Variants in RAPGEF3 observed in about 807,000 individuals in gnomAD.
RAPGEF3 encodes the protein Rap guanine nucleotide exchange factor 3.
Under a neutral mutation model 129.8 loss-of-function variants are expected in RAPGEF3, and 103 were observed. That is an observed-to-expected ratio of 0.79 (90% CI 0.68 to 0.93). The LOEUF (loss-of-function observed/expected upper bound fraction) is 0.93, where lower values mean the gene tolerates loss of function less well. Among genes scored for constraint, RAPGEF3 ranks in the 40% least tolerant of loss-of-function variants. The probability of loss-of-function intolerance (pLI) is 0.00; values close to 1 mark genes in which losing one functional copy is unlikely to be tolerated. For missense variants in RAPGEF3, 1,117 were observed against 1,207.4 expected, an observed-to-expected ratio of 0.93 and a Z score of 1.11; for synonymous variants, 436 against 482.6, an observed-to-expected ratio of 0.90 and a Z score of 1.26.
At position 47,746,697 on chromosome 12, in the gene RAPGEF3, C is replaced by T. The variant is rs775514623; in HGVS notation, c.1596+163G>A. ...CCTCCTGGCACGGCCTGGCCCAGGG[C>T]ACCACATGCAGCAAGGGCCCCGTGA... is the stretch of plus-strand genomic sequence containing the variant. On this transcript the variant is annotated intron_variant, in intron 16 of 27. Transcript: ENST00000449771. 4.1e-5 allele frequency: 36 copies of T among 874,580 alleles called. 1 individual carries two copies. In the South Asian group the frequency reaches 4.8e-4, roughly 12 times the overall value. 54.2% of individuals were successfully genotyped at this position (874,580 alleles called of 1,614,324 possible). A position where few individuals can be genotyped will look rare whatever the true frequency, so the allele number is the denominator to read the frequency against.
chr12:47,741,312 C>T, intron 19 of RAPGEF3, 193 bp downstream of exon 19: 2 of 669,314 alleles, frequency 3.0e-6, no homozygotes. Context: ...ACCAGTGCTA[C>T]CAGCCCCTGC....
At chr12:47,743,308 G>T (rs111445977) in intron 18 of RAPGEF3, among the ~76,000 whole-genome samples, 1 of 152,228 alleles carries the variant, frequency 6.6e-6, no homozygotes, top group Non-Finnish European at 1.5e-5. Context: ...GAGCTAAAGG[G>T]CTGGTGCCGA....
At chr12:47,747,668 C>T in intron 14 of RAPGEF3, 42 bp from the exon 15 acceptor site, 1 of 1,612,336 alleles carries the variant, frequency 6.2e-7, no homozygotes, top group Non-Finnish European at 8.5e-7. Context: ...GTAGCTGCAT[C>T]CACCCCGGGC....
At position 47,748,110 on chromosome 12, in the gene RAPGEF3, A is replaced by T. The variant is rs975240111; in HGVS notation, c.1286T>A (p.Met429Lys). ...SDFLLTHRVFMPSAQLCAALL... is the reference protein window; with the variant it reads ...SDFLLTHRVFKPSAQLCAALL... ...GGCAGCGCAGAGTTGGGCGCTGGGCATGAAGACCCTGTGGGTCAGGAGGAA... is the reference window on the plus strand; with the variant it reads ...GGCAGCGCAGAGTTGGGCGCTGGGCTTGAAGACCCTGTGGGTCAGGAGGAA... Residue 429 changes from methionine (M) to lysine (K), a missense_variant, in exon 13 of 28, where the codon ATG becomes AAG. Met to Lys is a moderately conservative substitution (Grantham distance 95, BLOSUM62 -1). Transcript: ENST00000449771. 3.5e-5 allele frequency: 55 copies of T among 1,589,892 alleles called. No individual in the cohort carries two copies. Among genetic ancestry groups the T allele is most frequent in the Non-Finnish European group, 1.7e-6 (2 of 1,167,942 alleles).
chr12:47,743,603 C>T lies in RAPGEF3; in HGVS notation c.1752G>A (p.Glu584=). Reference sequence around the variant, plus strand: ...CCTCCTGGGCCAACGCTGCCATCACCTCTCTCACGGAGGCTGTCACAGGCA... The same window carrying T: ...CCTCCTGGGCCAACGCTGCCATCACTTCTCTCACGGAGGCTGTCACAGGCA... ...LQLPVTASVR[E]VMAALAQEDG... is the part of the protein sequence containing the mutation. The change falls in exon 18 of 28, where the codon GAG becomes GAA. Residue 584 remains glutamate, a synonymous_variant. Transcript: ENST00000449771. 6.2e-7 allele frequency: 1 copy of T among 1,614,174 alleles called. No homozygotes were observed. Among genetic ancestry groups the T allele is most frequent in the Non-Finnish European group, 8.5e-7 (1 of 1,179,998 alleles).
At position 47,740,147 on chromosome 12, in the gene RAPGEF3, CCTCT is replaced by C; in HGVS notation, c.2363_2366del (p.Glu788GlyfsTer34). On this transcript the variant is annotated frameshift_variant, in exon 23 of 28. Coordinates refer to ENST00000449771, the MANE Select transcript of RAPGEF3 (RefSeq NM_001098531.4). LOFTEE classifies it high-confidence loss of function. ...GGCAGGGTGGAGCACTCACCAGCAG[CCTCT>C]CGAGGGCGGAGTACAGCTTCCGGAC... 6.2e-7 allele frequency: 1 copy of C among 1,612,968 alleles called. No homozygotes were observed. The highest frequency in any genetic ancestry group is 8.5e-7 in the Non-Finnish European group (1 of 1,179,688).
rs908699267 is a variant in RAPGEF3 at position 47,749,116 on chromosome 12, C to T, written c.1042-185G>A. 2.3e-5 allele frequency: 15 copies of T among 649,286 alleles called. No individual in the cohort carries two copies. The highest frequency in any genetic ancestry group is 3.5e-5 in the Non-Finnish European group (13 of 374,306). The allele number at this position is 649,286 out of a possible 1,614,324, so 40.2% of individuals were successfully genotyped here. ...CTACCTTCCATGCATCCTGCCTCCC[C>T]CACAGCCTAGTCCCCCGCCCCCTGC... On this transcript the variant is annotated intron_variant, in intron 10 of 27. Coordinates refer to ENST00000449771, the MANE Select transcript of RAPGEF3 (RefSeq NM_001098531.4). The surrounding 1 kb of genome is among the most constrained non-coding windows in gnomAD (Gnocchi z 4.5).
chr12:47,745,632 T>C (rs904786917), intron 16 of RAPGEF3: 1 of 151,944 alleles, frequency 6.6e-6, no homozygotes, highest in African/African-American at 2.4e-5. Flanking sequence ...TGCACTGGAG[T>C]TGGCTCTTCC....
chr12:47,735,279 A>T lies in RAPGEF3; in HGVS notation c.*2288T>A, dbSNP rs1014217867. ...GGCCTTCTTGCAGCTGAGACACAAA[A>T]TGGGAGCCCCTGCACACAGCCTGGG... On this transcript the variant is annotated 3_prime_UTR_variant, in exon 28 of 28. Transcript: ENST00000449771. 3 of 152,242 alleles carry T rather than the reference A, an allele frequency of 2.0e-5. No homozygotes were observed. Among genetic ancestry groups the T allele is most frequent in the Admixed American group, 6.5e-5 (1 of 15,274 alleles). The allele number at this position is 152,242 out of a possible 1,614,324, so 9.4% of individuals were successfully genotyped here. A position where few individuals can be genotyped will look rare whatever the true frequency, so the allele number is the denominator to read the frequency against.
Position 47,736,473 on chromosome 12 carries a change from C to T in RAPGEF3, c.*1094G>A, listed in dbSNP as rs1429910065. On this transcript the variant is annotated 3_prime_UTR_variant, in exon 28 of 28. Transcript: ENST00000449771. ...GGAGCTTCCTGGGTGAGCTCTGCCT[C>T]GCAAGAGGCGTCCTGGCAGTAGCTG... is the stretch of plus-strand genomic sequence containing the variant. 1.3e-5 allele frequency: 2 copies of T among 152,326 alleles called. No homozygotes were observed. Among genetic ancestry groups the T allele is most frequent in the Non-Finnish European group, 2.9e-5 (2 of 68,120 alleles). 9.4% of individuals were successfully genotyped at this position (152,326 alleles called of 1,614,324 possible).
rs758980561 is a variant in RAPGEF3 at position 47,740,358 on chromosome 12, C to T, written c.2269G>A (p.Val757Ile). 51 of 1,613,934 alleles carry T rather than the reference C, an allele frequency of 3.2e-5. 1 individual carries two copies. Among genetic ancestry groups the T allele is most frequent in the South Asian group, 8.8e-5 (8 of 91,090 alleles). Reference protein sequence around the residue: ...EQKNLNSFFAVMFGLSNSAIS... With the variant: ...EQKNLNSFFAIMFGLSNSAIS... Reference sequence around the variant, plus strand: ...GCCGAGTTGCTGAGGCCAAACATGACGGCAAAGAAGGAATTGAGATTCTTC... The same window carrying T: ...GCCGAGTTGCTGAGGCCAAACATGATGGCAAAGAAGGAATTGAGATTCTTC... The change falls in exon 22 of 28, where the codon GTC becomes ATC. Residue 757 changes from valine to isoleucine, a missense_variant. Transcript: ENST00000449771.
chr12:47,741,875 C>T (rs774294252), intron 18 of RAPGEF3: 8 of 497,748 alleles, frequency 1.6e-5, no homozygotes, highest in Non-Finnish European at 2.9e-5. Context: ...ACTTTCTTCC[C>T]TGGTAAAATG....
At chr12:47,758,316 C>T in intron 1 of RAPGEF3, 1 of 1,434,826 alleles carries the variant, frequency 7.0e-7, no homozygotes, top group Non-Finnish European at 9.1e-7. Context: ...CTTCTTAGTC[C>T]TCTTTGGAAT....
chr12:47,750,834 A>G (rs911550632), intron 6 of RAPGEF3, among the ~76,000 whole-genome samples: 6 of 151,258 alleles, frequency 4.0e-5, no homozygotes, highest in Admixed American at 3.3e-4. Context: ...CCTCATCTAC[A>G]GAGGAAGAAA....
chr12:47,744,073 G>A lies in RAPGEF3; in HGVS notation c.1597-5C>T, dbSNP rs1324115542. The A allele has an allele frequency of 4.4e-6, 7 of 1,586,498 alleles. No individual in the cohort carries two copies. Among genetic ancestry groups the A allele is most frequent in the Non-Finnish European group, 6.1e-6 (7 of 1,155,500 alleles). The stretch of plus-strand genomic sequence containing the variant: ...CCAAACAGGCAAGTTCCGGGCCTGG[G>A]AGGAAGAGGAACGAGAAAATAAGGC... On this transcript the variant is annotated splice_region_variant and splice_polypyrimidine_tract_variant and intron_variant, in intron 16 of 27. Coordinates refer to ENST00000449771, the MANE Select transcript of RAPGEF3 (RefSeq NM_001098531.4).
Position 47,747,551 on chromosome 12 carries a change from A to G in RAPGEF3, c.1549T>C (p.Cys517Arg). The G allele has an allele frequency of 6.2e-7, 1 of 1,613,832 alleles. No homozygotes were observed. Among genetic ancestry groups the G allele is most frequent in the Non-Finnish European group, 8.5e-7 (1 of 1,179,766 alleles). The change falls in exon 15 of 28, where the codon TGC becomes CGC. Residue 517 changes from cysteine to arginine, a missense_variant. Transcript: ENST00000449771. ...ACAGAGTCAAAGCATCACCTGTGGC[A>G]TCGCCGCCTCTCTGGCCACTGCTCC... is the stretch of plus-strand genomic sequence containing the variant. ...LREQWPERRR[C>R]HRLENGCGNA... is the part of the protein sequence containing the mutation.
chr12:47,739,250 T>C lies in RAPGEF3; in HGVS notation c.2374-20A>G. On this transcript the variant is annotated intron_variant, in intron 23 of 27. Coordinates refer to ENST00000449771, the MANE Select transcript of RAPGEF3 (RefSeq NM_001098531.4). The stretch of plus-strand genomic sequence containing the variant: ...GGGATCCTAGGGGAAGAAGCCACAC[T>C]GAGGGGGTTGCACACACCATAAGCC... 6.3e-7 allele frequency: 1 copy of C among 1,575,776 alleles called. No individual in the cohort carries two copies.
In RAPGEF3 at chr12:47,740,719, C is replaced by T; in HGVS notation, c.2154G>A (p.Val718=). ...CGGGGCAGAGACACAGCTCGGTGGC[C>T]ACCCAGTACTGCAGCTCATTGAAGC... is the stretch of plus-strand genomic sequence containing the variant. ...MRRFNELQYW[V]ATELCLCPVP... Residue 718 remains valine, a synonymous_variant, in exon 21 of 28, where the codon GTG becomes GTA. Coordinates refer to ENST00000449771, the MANE Select transcript of RAPGEF3 (RefSeq NM_001098531.4). The T allele has an allele frequency of 8.7e-6, 14 of 1,613,984 alleles. No individual in the cohort carries two copies. Among genetic ancestry groups the T allele is most frequent in the Non-Finnish European group, 1.2e-5 (14 of 1,179,970 alleles).
intron 5 of RAPGEF3, 32 bp downstream of exon 5, chr12:47,751,367 C>T: frequency 1.2e-6 from 2 of 1,611,158 alleles, no homozygotes; most frequent in Non-Finnish European, 8.5e-7. Flanking sequence ...CCCAGCCCAG[C>T]CCGGGGCACC....
Sources: allele counts gnomAD v4.1 joint callset (sites outside exome capture counted in the v4.1 genomes callset), GRCh38; gene constraint gnomAD v4.1.1; non-coding constraint Gnocchi (gnomAD v3.1); transcripts MANE v1.5; gene names NCBI Gene and HGNC (gene_info 2026-07-23, HGNC 2026-07-21).